The following NOA1 variants were observed in gnomAD, a reference collection of about 807,000 sequenced individuals.
The protein encoded by NOA1 is nitric oxide associated 1.
A neutral mutation model predicts 58.4 loss-of-function variants in NOA1; 35 were observed. The observed-to-expected ratio is 0.60, with a 90% confidence interval of 0.46 to 0.79. The LOEUF (loss-of-function observed/expected upper bound fraction) is 0.79. Ranked by LOEUF, NOA1 falls within the 30% of genes least tolerant of loss-of-function variation. The pLI is 0.00. For missense variants in NOA1, 895 were observed against 894.6 expected (o/e 1.00, Z -0.01); for synonymous variants, 397 against 373.4 (o/e 1.06, Z -0.73).
intron 2 of NOA1, 99 bp downstream of exon 2, chr4:56,973,759 C>G: frequency 8.4e-7 from 1 of 1,193,322 alleles, no homozygotes; most frequent in Non-Finnish European, 1.2e-6. Context: ...CAGTCTCTCC[C>G]CACAAAAACT....
chr4:56,966,022 T>C (rs1021250688), intron 5 of NOA1, among the ~76,000 whole-genome samples: 45 of 137,392 alleles, frequency 3.3e-4, no homozygotes, highest in Middle Eastern at 3.5e-3. Flanking sequence ...AATTTTCTTT[T>C]TTTTTTTTTT....
chr4:56,970,209 T>G (rs549155553), intron 3 of NOA1, among the ~76,000 whole-genome samples: 1 of 151,806 alleles, frequency 6.6e-6, no homozygotes, highest in African/African-American at 2.4e-5. Flanking sequence ...AGGTGGAGGA[T>G]TGCTTGAGCC....
chr4:56,972,768 A>G (rs1721830159), intron 3 of NOA1, among the ~76,000 whole-genome samples: 1 of 152,224 alleles, frequency 6.6e-6, no homozygotes, highest in Non-Finnish European at 1.5e-5. Context: ...CCAAGGTAAC[A>G]ATCACAATGA....
rs1436439912 is a variant in NOA1 at position 56,976,634 on chromosome 4, C to T, written c.952G>A (p.Ala318Thr). Residue 318 changes from alanine (A) to threonine (T), a missense_variant, in exon 1 of 7, where the codon GCC becomes ACC. Transcript: ENST00000264230. Reference sequence around the variant, plus strand: ...TCTTCCACTCCATAGCCGGTCTTGGCGCTGATCAGCCGCACGTCCCTGACC... The same window carrying T: ...TCTTCCACTCCATAGCCGGTCTTGGTGCTGATCAGCCGCACGTCCCTGACC... ...TVVRDVRLIS[A>T]KTGYGVEELI... The T allele has an allele frequency of 1.9e-6, 3 of 1,614,068 alleles. No homozygotes were observed. Among genetic ancestry groups the T allele is most frequent in the African/African-American group, 1.3e-5 (1 of 74,954 alleles).
rs1045512018 is a variant in NOA1, at chr4:56,973,866, T to A, written c.1301A>T (p.Tyr434Phe). 1.2e-6 allele frequency: 2 copies of A among 1,614,084 alleles called. No homozygotes were observed. The highest frequency in any genetic ancestry group is 1.7e-6 in the Non-Finnish European group (2 of 1,179,976). The change falls in exon 2 of 7, where the codon TAT (tyrosine) becomes TTT (phenylalanine). Residue 434 changes from tyrosine to phenylalanine, a missense_variant. Around this residue, in one of 3 missense-constraint regions of NOA1, gnomAD observed 680 missense variants for 656.5 expected, o/e 1.04. Transcript: ENST00000264230. ...NQLNVLKKHG[Y>F]VVGRVGRTFL... ...CCATAGAGGATGCTTACCTACGACA[T>A]AACCATGCTTTTTGAGGACATTAAG... is the stretch of plus-strand genomic sequence containing the variant.
chr4:56,971,461 C>T (rs1395237231), intron 3 of NOA1, among the ~76,000 whole-genome samples: 2 of 151,622 alleles, frequency 1.3e-5, no homozygotes, highest in African/African-American at 4.8e-5. Context: ...TCCAGGAGAG[C>T]AATAAAATTT....
At chr4:56,975,970 C>G (rs1334146170) in intron 1 of NOA1, among the ~76,000 whole-genome samples, 1 of 152,136 alleles carries the variant, frequency 6.6e-6, no homozygotes, top group Non-Finnish European at 1.5e-5. Context: ...TCACTTGAAC[C>G]CGGGAGGCGG....
At chr4:56,972,132 C>T (rs565310256) in intron 3 of NOA1, among the ~76,000 whole-genome samples, 2 of 152,300 alleles carry the variant, frequency 1.3e-5, no homozygotes, top group African/African-American at 2.4e-5. Flanking sequence ...GTGATCTGCC[C>T]GCCTGGGCCT....
Position 56,977,301 on chromosome 4 carries a change from C to T in NOA1, c.285G>A (p.Gln95=), listed in dbSNP as rs759445804. ...PTREKQLQEL[Q]QQQEEEERQR... is the part of the protein sequence containing the mutation. Reference sequence around the variant, plus strand: ...GTCGCTCCTCCTCCTCCTGCTGTTGCTGGAGCTCCTGCAGCTGCTTTTCGC... The same window carrying T: ...GTCGCTCCTCCTCCTCCTGCTGTTGTTGGAGCTCCTGCAGCTGCTTTTCGC... The change falls in exon 1 of 7, where the codon CAG becomes CAA. Residue 95 remains glutamine (Q), a synonymous_variant. Transcript: ENST00000264230. 1.9e-5 allele frequency: 30 copies of T among 1,613,970 alleles called. No individual in the cohort carries two copies. The South Asian group carries it at 2.1e-4, about 11-fold the overall frequency.
chr4:56,963,478 C>T lies in NOA1; in HGVS notation c.2069G>A (p.Arg690Lys), dbSNP rs1260721939. The T allele has an allele frequency of 6.2e-7, 1 of 1,613,900 alleles. No homozygotes were observed. The highest frequency in any genetic ancestry group is 1.3e-5 in the African/African-American group (1 of 74,876). The stretch of plus-strand genomic sequence containing the variant: ...TACATTTATCTTTCCTTTCTTCTTC[C>T]TCACGTTGTACATAAGGGAAGGAGG... ...KKPPSLMYNVRKKKGKINV is the reference protein window; with the variant it reads ...KKPPSLMYNVKKKKGKINV Residue 690 changes from arginine (R) to lysine (K), a missense_variant, in exon 7 of 7, where the codon AGG (arginine) becomes AAG (lysine). Arg to Lys is a conservative substitution (Grantham distance 26). Coordinates refer to ENST00000264230, the MANE Select transcript of NOA1 (RefSeq NM_032313.4).
Position 56,976,456 on chromosome 4 carries a change from A to G in NOA1, c.1130T>C (p.Ile377Thr). Residue 377 changes from isoleucine to threonine, a missense_variant, in exon 1 of 7, where the codon ATC becomes ACC. Coordinates refer to ENST00000264230, the MANE Select transcript of NOA1 (RefSeq NM_032313.4). Reference sequence around the variant, plus strand: ...CTAAAACTCACCTGGCCAAGGGGAGATGGTGGCTCTGTCGATGGCCTCGGA... The same window carrying G: ...CTAAAACTCACCTGGCCAAGGGGAGGTGGTGGCTCTGTCGATGGCCTCGGA... ...KGSEAIDRATISPWPGTTLNL... is the reference protein window; with the variant it reads ...KGSEAIDRATTSPWPGTTLNL... The G allele has an allele frequency of 1.2e-6, 2 of 1,612,852 alleles. No homozygotes were observed. The highest frequency in any genetic ancestry group is 4.5e-5 in the East Asian group (2 of 44,842).
Position 56,977,393 on chromosome 4 carries a change from C to G in NOA1, c.193G>C (p.Gly65Arg), listed in dbSNP as rs1448971374. ...AGAAAACGCTCCTGCATGTCACCAC[C>G]TTCTCCAAAGCCCTCCGTGTCCACG... ...DPVDTEGFGE[G>R]GDMQERFLFP... Residue 65 changes from glycine to arginine, a missense_variant, in exon 1 of 7, where the codon GGT (glycine) becomes CGT (arginine). Physicochemically the swap from Gly to Arg is moderately radical, Grantham distance 125. Around this residue, in one of 3 missense-constraint regions of NOA1, gnomAD observed 680 missense variants for 656.5 expected, o/e 1.04. Coordinates refer to ENST00000264230, the MANE Select transcript of NOA1 (RefSeq NM_032313.4). 1 of 1,614,232 alleles carries G rather than the reference C, an allele frequency of 6.2e-7. No individual in the cohort carries two copies. The highest frequency in any genetic ancestry group is 8.5e-7 in the Non-Finnish European group (1 of 1,180,032).
chr4:56,976,332 G>T, intron 1 of NOA1, 110 bp downstream of exon 1: 1 of 898,910 alleles, frequency 1.1e-6, no homozygotes, highest in Non-Finnish European at 1.7e-6. Context: ...TAAAGGGAAG[G>T]GTACAGGCAG....
chr4:56,970,623 G>A (rs1721794731), intron 3 of NOA1, among the ~76,000 whole-genome samples: 1 of 151,874 alleles, frequency 6.6e-6, no homozygotes, highest in Non-Finnish European at 1.5e-5. Context: ...ACCATGCCCA[G>A]CTAATTTTTT....
chr4:56,973,038 A>G (rs1721834217), intron 3 of NOA1, 110 bp downstream of exon 3: 1 of 915,974 alleles, frequency 1.1e-6, no homozygotes, highest in Non-Finnish European at 1.8e-6. Flanking sequence ...CTCTTTCTCT[A>G]TTGCAATTCC....
chr4:56,971,495 CA>C (rs1417411419), intron 3 of NOA1, among the ~76,000 whole-genome samples: 1 of 152,032 alleles, frequency 6.6e-6, no homozygotes, highest in Non-Finnish European at 1.5e-5. Flanking sequence ...GATTCAATGA[CA>C]GGGGACACCA....
chr4:56,973,352 T>C lies in NOA1; in HGVS notation c.1311A>G (p.Gly437=). 1 of 1,613,100 alleles carries C rather than the reference T, an allele frequency of 6.2e-7. No individual in the cohort carries two copies. Among genetic ancestry groups the C allele is most frequent in the South Asian group, 1.1e-5 (1 of 91,062 alleles). ...AATACAAGAATGTCCTTCCAACTCTTCCTAGAACAAGTTATAGTAAGGTTA... is the reference window on the plus strand; with the variant it reads ...AATACAAGAATGTCCTTCCAACTCTCCCTAGAACAAGTTATAGTAAGGTTA... The part of the protein sequence containing the change: ...NVLKKHGYVV[G]RVGRTFLYSE... Residue 437 remains glycine, a splice_region_variant and synonymous_variant, in exon 3 of 7, where the codon GGA becomes GGG. Transcript: ENST00000264230.
At chr4:56,975,848 G>C (rs547651193) in intron 1 of NOA1, among the ~76,000 whole-genome samples, 7 of 152,020 alleles carry the variant, frequency 4.6e-5, no homozygotes, top group Non-Finnish European at 7.4e-5. Context: ...CTGGGCAACA[G>C]AGCAAGACAA....
intron 1 of NOA1, 54 bp from the exon 2 acceptor site, chr4:56,974,076 AT>A: frequency 3.4e-6 from 4 of 1,165,844 alleles, no homozygotes; most frequent in South Asian, 4.3e-5. Flanking sequence ...GGGGAAGAAA[AT>A]GAACATTTTT....
Sources: allele counts gnomAD v4.1 joint callset (sites outside exome capture counted in the v4.1 genomes callset), GRCh38; gene constraint gnomAD v4.1.1; regional missense constraint gnomAD v4.1.1; transcripts MANE v1.5; gene names NCBI Gene and HGNC (gene_info 2026-07-23, HGNC 2026-07-21).